ACOT7: variants seen among roughly 807,000 people sequenced by gnomAD.
ACOT7 encodes cytosolic acyl coenzyme A thioester hydrolase.
ACOT7 carries 12 observed loss-of-function variants against 40.2 expected under a neutral mutation model. The observed-to-expected ratio is 0.30, with a 90% CI of 0.19 to 0.48. The LOEUF (loss-of-function observed/expected upper bound fraction) is 0.48. Ranked by LOEUF, ACOT7 falls within the 20% of genes least tolerant of loss-of-function variation. ACOT7 has a pLI of 0.99. For missense variants in ACOT7, 395 were observed against 530.8 expected, an observed-to-expected ratio of 0.74 and a Z score of 2.51; for synonymous variants, 228 against 219.5, an observed-to-expected ratio of 1.04 and a Z score of -0.34.
At chr1:6,381,378 G>C (rs1021006827) in intron 1 of ACOT7, among the ~76,000 whole-genome samples, 2 of 151,678 alleles carry the variant, frequency 1.3e-5, no homozygotes, top group African/African-American at 4.8e-5. Flanking sequence ...AACAACTTGA[G>C]TAGACATTTC....
intron 6 of ACOT7, among the ~76,000 whole-genome samples, chr1:6,316,071 G>A (rs1640484875): frequency 2.0e-5 from 3 of 152,164 alleles, no homozygotes; most frequent in Admixed American, 6.5e-5. Flanking sequence ...AGACAGCGAC[G>A]ACGGAAATGC....
rs1255928892 is a variant in ACOT7 at position 6,393,394 on chromosome 1, C to T, written c.6G>A (p.Ala2=). 7 of 1,230,024 alleles carry T rather than the reference C, an allele frequency of 5.7e-6. No homozygotes were observed. The highest frequency in any genetic ancestry group is 8.6e-5 in the Admixed American group (2 of 23,352). The allele number at this position is 1,230,024 out of a possible 1,614,324, so 76.2% of individuals were successfully genotyped here. The change falls in exon 1 of 9, where the codon GCG becomes GCA. Residue 2 remains alanine (A), a synonymous_variant. Transcript: ENST00000361521. Reference sequence around the variant, plus strand: ...GCGCGGAATGAATGAGCCCGGGCCGCGCCATAAAGGGGGAGGGCAGAGGTG... The same window carrying T: ...GCGCGGAATGAATGAGCCCGGGCCGTGCCATAAAGGGGGAGGGCAGAGGTG... M[A]RPGLIHSAPG...
At chr1:6,281,548 C>A (rs984011747) in intron 7 of ACOT7, among the ~76,000 whole-genome samples, 1 of 152,272 alleles carries the variant, frequency 6.6e-6, no homozygotes, top group African/African-American at 2.4e-5. Context: ...CCCGCCCAGG[C>A]GGGCTCTCTC....
rs1641625032 is a variant in ACOT7, at chr1:6,352,606, T to C, written c.144-2740A>G. ...CGTTTTCCCATTTCTTTTTTTTTTT[T>C]TTTGAGACGGCGTCTCGCTCTGTCT... On this transcript the variant is annotated intron_variant, in intron 1 of 8. Coordinates refer to ENST00000361521, the MANE Select transcript of ACOT7 (RefSeq NM_007274.4). The surrounding 1 kb of genome is among the most constrained non-coding windows in gnomAD (Gnocchi z 4.5). Among the ~76,000 whole-genome samples the C allele has an allele frequency of 6.6e-6, 1 of 151,886 alleles. No homozygotes were observed. Among genetic ancestry groups the C allele is most frequent in the Non-Finnish European group, 1.5e-5 (1 of 67,884 alleles).
rs1640344156 is a variant in ACOT7, at chr1:6,311,983, G to A, written c.712+6509C>T. 6.6e-6 allele frequency among the ~76,000 whole-genome samples: 1 copy of A among 152,194 alleles called. No homozygotes were observed. Among genetic ancestry groups the A allele is most frequent in the Non-Finnish European group, 1.5e-5 (1 of 68,038 alleles). On this transcript the variant is annotated intron_variant, in intron 6 of 8. Transcript: ENST00000361521. This position sits in a 1 kb window ranked among gnomAD's most constrained non-coding sequence, Gnocchi z 5.2. ...CCAAGTGACCTTAATAGGCAGCAGA[G>A]ACGAGGTCACAGATCCAACCTCTCA...
chr1:6,375,525 C>T (rs1642212327), intron 1 of ACOT7, among the ~76,000 whole-genome samples: 1 of 151,990 alleles, frequency 6.6e-6, no homozygotes, highest in African/African-American at 2.4e-5. Flanking sequence ...GTGGCACATG[C>T]CTGCAATCCC....
At chr1:6,366,549 T>C (rs1215823684) in intron 1 of ACOT7, among the ~76,000 whole-genome samples, 1 of 150,312 alleles carries the variant, frequency 6.7e-6, no homozygotes, top group Non-Finnish European at 1.5e-5. Context: ...ATTGCACCAC[T>C]GCACTCCAGC....
intron 8 of ACOT7, among the ~76,000 whole-genome samples, chr1:6,269,136 GCACAGACAGGCTGAGTAA>G (rs1638946137): frequency 6.6e-6 from 1 of 152,254 alleles, no homozygotes; most frequent in Non-Finnish European, 1.5e-5. Context: ...AGGAAGTGAA[GCACAGACAGGCTGAGTAA>G]CTTGCCCAAA....
At chr1:6,368,162 C>T (rs1210764662) in intron 1 of ACOT7, among the ~76,000 whole-genome samples, 1 of 152,148 alleles carries the variant, frequency 6.6e-6, no homozygotes, top group African/African-American at 2.4e-5. Flanking sequence ...GCTTCAGGCC[C>T]TCCCCAGTTT....
chr1:6,283,923 A>G (rs1169183266), intron 7 of ACOT7, among the ~76,000 whole-genome samples: 1 of 152,242 alleles, frequency 6.6e-6, no homozygotes, highest in Non-Finnish European at 1.5e-5. Context: ...TGAGCCCAGG[A>G]GGTCGAGGTT....
At chr1:6,350,058 G>A (rs1641547718) in intron 1 of ACOT7, among the ~76,000 whole-genome samples, 192 bp from the exon 2 acceptor site, 1 of 152,196 alleles carries the variant, frequency 6.6e-6, no homozygotes, top group South Asian at 2.1e-4. Context: ...GCCACGGAAG[G>A]GGCCCTGAGA....
At chr1:6,356,658 C>T (rs1307249438) in intron 1 of ACOT7, among the ~76,000 whole-genome samples, 4 of 152,186 alleles carry the variant, frequency 2.6e-5, no homozygotes, top group African/African-American at 9.6e-5. Flanking sequence ...GTGGCTCACA[C>T]CTGTAATCCC....
chr1:6,306,444 C>A lies in ACOT7; in HGVS notation c.713-11464G>T. 1.0e-6 allele frequency: 1 copy of A among 985,298 alleles called. No individual in the cohort carries two copies. 61.0% of individuals were successfully genotyped at this position (985,298 alleles called of 1,614,324 possible). On this transcript the variant is annotated intron_variant, in intron 6 of 8. Transcript: ENST00000361521. The surrounding 1 kb of genome is among the most constrained non-coding windows in gnomAD (Gnocchi z 4.3). ...GAGTGATATGAACCCCACGCCCAGG[C>A]TTTCAGGGTTGACACCATCTCGGGG...
At chr1:6,315,411 G>A (rs1272256539) in intron 6 of ACOT7, among the ~76,000 whole-genome samples, 1 of 152,140 alleles carries the variant, frequency 6.6e-6, no homozygotes, top group East Asian at 1.9e-4. Context: ...TTTTCAATGT[G>A]GTGTTTATTT....
Position 6,311,290 on chromosome 1 carries a change from C to T in ACOT7, c.712+7202G>A, listed in dbSNP as rs959805967. Among the ~76,000 whole-genome samples, 1 of 152,222 alleles carries T rather than the reference C, an allele frequency of 6.6e-6. No individual in the cohort carries two copies. The highest frequency in any genetic ancestry group is 2.4e-5 in the African/African-American group (1 of 41,446). On this transcript the variant is annotated intron_variant, in intron 6 of 8. Coordinates refer to ENST00000361521, the MANE Select transcript of ACOT7 (RefSeq NM_007274.4). The surrounding 1 kb of genome is among the most constrained non-coding windows in gnomAD (Gnocchi z 5.2). ...TAAGCCAGAGAACAACCCATGCCCT[C>T]CCTCCATTCCCCTCACGCTCTAAAG... is the stretch of plus-strand genomic sequence containing the variant.
rs1639252536 is a variant in ACOT7, at chr1:6,278,140, G to A, written c.1014+2962C>T. On this transcript the variant is annotated intron_variant, in intron 8 of 8. Transcript: ENST00000361521. This position sits in a 1 kb window ranked among gnomAD's most constrained non-coding sequence, Gnocchi z 4.1. ...GAGGCGACGCTTCTCTAGAGCGGTT[G>A]TGGGTGCCCTTCTAAGGAAAAAACG... 6.6e-6 allele frequency among the ~76,000 whole-genome samples: 1 copy of A among 152,168 alleles called. No individual in the cohort carries two copies. Among genetic ancestry groups the A allele is most frequent in the East Asian group, 1.9e-4 (1 of 5,190 alleles).
chr1:6,264,802 A>AGGGGTGGGGCAGAT, intron 8 of ACOT7, 107 bp from the exon 9 acceptor site: 1 of 1,174,222 alleles, frequency 8.5e-7, no homozygotes, highest in Non-Finnish European at 1.2e-6. Flanking sequence ...GATCTGCCCC[A>AGGGGTGGGGCAGAT]CCCCTGGTGC....
intron 5 of ACOT7, 97 bp from the exon 6 acceptor site, chr1:6,318,675 C>T: frequency 8.1e-7 from 1 of 1,236,418 alleles, no homozygotes; most frequent in Non-Finnish European, 1.2e-6. Context: ...TCTACACAGT[C>T]AACGAAGGCG....
intron 1 of ACOT7, among the ~76,000 whole-genome samples, chr1:6,389,463 A>G (rs1284744047): frequency 2.0e-5 from 3 of 152,102 alleles, no homozygotes; most frequent in Non-Finnish European, 4.4e-5. Flanking sequence ...CAGACCTACT[A>G]GTAAATTGAT....
Sources: allele counts gnomAD v4.1 joint callset (sites outside exome capture counted in the v4.1 genomes callset), GRCh38; gene constraint gnomAD v4.1.1; non-coding constraint Gnocchi (gnomAD v3.1); transcripts MANE v1.5; gene names NCBI Gene and HGNC (gene_info 2026-07-23, HGNC 2026-07-21).